Variants in FRAS1 observed in about 807,000 individuals in gnomAD.
The protein encoded by FRAS1 is Fraser extracellular matrix complex subunit 1.
A neutral mutation model predicts 435.2 loss-of-function variants in FRAS1; 290 were observed. The observed-to-expected ratio is 0.67, with a 90% CI of 0.61 to 0.73. The LOEUF is 0.73. Ranked by LOEUF, FRAS1 falls within the 30% of genes least tolerant of loss-of-function variation. The pLI is 0.00. For missense variants in FRAS1, 4,860 were observed against 5,001.5 expected (o/e 0.97, Z 0.85); for synonymous variants, 1,800 against 1,851.0 (o/e 0.97, Z 0.71).
At chr4:78,321,057 C>T (rs990969107) in intron 18 of FRAS1, among the ~76,000 whole-genome samples, 4 of 152,094 alleles carry the variant, frequency 2.6e-5, no homozygotes, top group Non-Finnish European at 4.4e-5. Flanking sequence ...ATGGGGAATT[C>T]GGAGTGGGTT....
intron 4 of FRAS1, among the ~76,000 whole-genome samples, chr4:78,249,323 C>CTTTTTT (rs11308579): frequency 2.5e-4 from 12 of 47,202 alleles, no homozygotes; most frequent in Admixed American, 4.1e-4. Flanking sequence ...GCAGTGGAGC[C>CTTTTTT]TTTTTTTTTT....
intron 2 of FRAS1, among the ~76,000 whole-genome samples, chr4:78,114,654 C>G (rs568764911): frequency 6.6e-6 from 1 of 152,178 alleles, no homozygotes; most frequent in East Asian, 1.9e-4. Flanking sequence ...TATAAGAATG[C>G]TTGTGATTTT....
chr4:78,490,795 A>C (rs1460475415), intron 59 of FRAS1, among the ~76,000 whole-genome samples: 2 of 152,200 alleles, frequency 1.3e-5, no homozygotes, highest in East Asian at 3.8e-4. Flanking sequence ...ACAAGAAATA[A>C]TTAGGATCAG....
chr4:78,083,626 G>GTTTTTTTTT (rs35633131), intron 2 of FRAS1, among the ~76,000 whole-genome samples: 15 of 108,290 alleles, frequency 1.4e-4, no homozygotes, highest in East Asian at 8.4e-4. Context: ...TGCAAGTTCT[G>GTTTTTTTTT]TTTTTTTTTT....
rs183821920 is a variant in FRAS1 at position 78,076,074 on chromosome 4, C to A, written c.108+10058C>A. On this transcript the variant is annotated intron_variant, in intron 2 of 73. Transcript: ENST00000512123. ...TAGTATATTGTTGGAGATGAGATAT[C>A]GGAGCACCATCCTCTGTTGTGTTCC... Among the ~76,000 whole-genome samples, 143 of 152,236 alleles carry A rather than the reference C, an allele frequency of 9.4e-4. 1 individual carries two copies. Among genetic ancestry groups the A allele is most frequent in the African/African-American group, 3.4e-3 (141 of 41,544 alleles).
chr4:78,470,118 A>G, intron 51 of FRAS1, 27 bp downstream of exon 51: 3 of 1,447,418 alleles, frequency 2.1e-6, no homozygotes, highest in Non-Finnish European at 1.9e-6. Context: ...TGTCATGTTC[A>G]CACCACCCAA....
intron 60 of FRAS1, 105 bp downstream of exon 60, chr4:78,497,066 T>A: frequency 1.2e-6 from 1 of 849,878 alleles, no homozygotes; most frequent in South Asian, 1.7e-5. Flanking sequence ...TAAGAATGCC[T>A]ACTGATAACA....
At chr4:78,172,537 A>C (rs1306700542) in intron 2 of FRAS1, among the ~76,000 whole-genome samples, 1 of 152,100 alleles carries the variant, frequency 6.6e-6, no homozygotes, top group Non-Finnish European at 1.5e-5. Flanking sequence ...TTAGTTTCTA[A>C]TCTTGGTAGA....
In FRAS1 at chr4:78,290,727, G is replaced by A. The variant is rs578186389; in HGVS notation, c.1534+4188G>A. Among the ~76,000 whole-genome samples, 35 of 151,470 alleles carry A rather than the reference G, an allele frequency of 2.3e-4. No individual in the cohort carries two copies. In the South Asian group the frequency reaches 4.4e-3, roughly 19 times the overall value. On this transcript the variant is annotated intron_variant, in intron 14 of 73. Coordinates refer to ENST00000512123, the MANE Select transcript of FRAS1 (RefSeq NM_025074.7). ...GGCCTCCCAAAGTGCTGGGATTACA[G>A]GGGTGAGCCACCACACCTGGCCTCA...
At chr4:78,128,683 A>G (rs1560539374) in intron 2 of FRAS1, among the ~76,000 whole-genome samples, 1 of 151,918 alleles carries the variant, frequency 6.6e-6, no homozygotes, top group South Asian at 2.1e-4. Flanking sequence ...GATTGCAAAA[A>G]TTTCCTCCCC....
rs1724528589 is a variant in FRAS1 at position 78,231,772 on chromosome 4, AGTT to A, written c.109-5734_109-5732del. Among the ~76,000 whole-genome samples the A allele has an allele frequency of 6.6e-5, 10 of 152,186 alleles. No homozygotes were observed. The South Asian group carries it at 2.1e-3, about 32-fold the overall frequency. On this transcript the variant is annotated intron_variant, in intron 2 of 73. Coordinates refer to ENST00000512123, the MANE Select transcript of FRAS1 (RefSeq NM_025074.7). ...AGTAAATACTTTCCCAAGTGAAACA[AGTT>A]GTTTTTTTTTTAAAGCACCTTGCTA...
chr4:78,206,304 C>T (rs1723253819), intron 2 of FRAS1, among the ~76,000 whole-genome samples: 2 of 151,964 alleles, frequency 1.3e-5, no homozygotes, highest in Admixed American at 1.3e-4. Context: ...GAGGAAGGGG[C>T]CGTGAGCCAA....
At chr4:78,281,884 G>GA (rs1032548124) in intron 11 of FRAS1, among the ~76,000 whole-genome samples, 1 of 152,170 alleles carries the variant, frequency 6.6e-6, no homozygotes, top group African/African-American at 2.4e-5. Flanking sequence ...CTTTCAAAGG[G>GA]AAAATGCAAG....
chr4:78,407,180 AC>A (rs1733132447), intron 30 of FRAS1, among the ~76,000 whole-genome samples: 2 of 152,206 alleles, frequency 1.3e-5, no homozygotes, highest in African/African-American at 4.8e-5. Context: ...GAGAAATTGA[AC>A]CTGTATTACT....
chr4:78,237,334 C>T (rs1724802669), intron 2 of FRAS1, among the ~76,000 whole-genome samples, 176 bp from the exon 3 acceptor site: 1 of 152,170 alleles, frequency 6.6e-6, no homozygotes, highest in African/African-American at 2.4e-5. Flanking sequence ...ATGGATTATA[C>T]TGATTATATT....
intron 18 of FRAS1, among the ~76,000 whole-genome samples, chr4:78,330,627 T>C (rs569407931): frequency 2.6e-5 from 4 of 152,324 alleles, no homozygotes; most frequent in East Asian, 3.9e-4. Flanking sequence ...GCATCTCTTA[T>C]GGTCGAGACT....
intron 14 of FRAS1, among the ~76,000 whole-genome samples, chr4:78,306,047 T>G (rs1456251423): frequency 2.6e-5 from 4 of 152,144 alleles, no homozygotes; most frequent in Admixed American, 6.5e-5. Context: ...AGCTCTTTTA[T>G]GGTAGGCCTG....
intron 2 of FRAS1, among the ~76,000 whole-genome samples, chr4:78,199,057 T>G (rs1047213439): frequency 1.3e-5 from 2 of 152,184 alleles, no homozygotes; most frequent in African/African-American, 2.4e-5. Context: ...ACTGCTGTGT[T>G]GTTCGAGGGT....
intron 2 of FRAS1, among the ~76,000 whole-genome samples, chr4:78,114,388 G>T (rs2109946165): frequency 6.6e-6 from 1 of 152,280 alleles, no homozygotes; most frequent in Admixed American, 6.5e-5. Flanking sequence ...TAGGTTGATG[G>T]GGATGGCTTT....
Sources: gnomAD v4.1 joint callset for allele counts (sites outside exome capture counted in the v4.1 genomes callset) on GRCh38, gnomAD v4.1.1 for gene constraint, MANE v1.5 for transcripts, NCBI Gene and HGNC (gene_info 2026-07-23, HGNC 2026-07-21) for gene names.